Variants in PCDH9 observed in about 807,000 individuals in gnomAD.
PCDH9 encodes the protein protocadherin 9.
Under a neutral mutation model 70.6 loss-of-function variants are expected in PCDH9, and 24 were observed. That is an observed-to-expected ratio of 0.34 (90% confidence interval 0.25 to 0.48). The LOEUF is 0.48. Among genes scored for constraint, PCDH9 ranks in the 20% least tolerant of loss-of-function variants. PCDH9 has a pLI of 0.99. For missense variants in PCDH9, 1,281 were observed against 1,503.6 expected (o/e 0.85, Z 2.45); for synonymous variants, 562 against 558.5 (o/e 1.01, Z -0.09).
intron 4 of PCDH9, among the ~76,000 whole-genome samples, chr13:66,548,597 A>T (rs1961326912): frequency 6.6e-6 from 1 of 152,054 alleles, no homozygotes; most frequent in Non-Finnish European, 1.5e-5. Flanking sequence ...AAAACTAAAA[A>T]AAAATAAAAA....
At chr13:67,098,938 T>C (rs922759296) in intron 2 of PCDH9, among the ~76,000 whole-genome samples, 12 of 152,176 alleles carry the variant, frequency 7.9e-5, no homozygotes, top group Non-Finnish European at 4.4e-5. Context: ...GTGATATAGA[T>C]AATAAATTAC....
chr13:66,430,841 G>A (rs1481732034), intron 4 of PCDH9, among the ~76,000 whole-genome samples: 1 of 152,072 alleles, frequency 6.6e-6, no homozygotes, highest in African/African-American at 2.4e-5. Flanking sequence ...GGTCTGTAGT[G>A]TGGGTATAAA....
intron 2 of PCDH9, among the ~76,000 whole-genome samples, chr13:66,930,557 T>C (rs1240809863): frequency 6.6e-6 from 1 of 152,124 alleles, no homozygotes; most frequent in Admixed American, 6.5e-5. Flanking sequence ...TTTTACAAGA[T>C]TACTTCATCT....
chr13:66,733,805 T>G (rs2079108033), intron 3 of PCDH9, among the ~76,000 whole-genome samples: 1 of 152,172 alleles, frequency 6.6e-6, no homozygotes, highest in South Asian at 2.1e-4. Flanking sequence ...GATTTTGTAT[T>G]CATATTCTTA....
At chr13:67,182,512 T>C (rs2088644260) in intron 2 of PCDH9, among the ~76,000 whole-genome samples, 1 of 152,194 alleles carries the variant, frequency 6.6e-6, no homozygotes, top group Non-Finnish European at 1.5e-5. Flanking sequence ...AAGTCAGTTC[T>C]ACACATAGTA....
intron 2 of PCDH9, among the ~76,000 whole-genome samples, chr13:67,000,409 C>T (rs2084218307): frequency 6.6e-6 from 1 of 151,240 alleles, no homozygotes; most frequent in Non-Finnish European, 1.5e-5. Context: ...TGCAGCACAC[C>T]AGCATGGCAC....
In PCDH9 at chr13:66,828,570, T is replaced by C. The variant is rs897521457; in HGVS notation, c.3138+74934A>G. 3.9e-5 allele frequency among the ~76,000 whole-genome samples: 6 copies of C among 152,136 alleles called. No individual in the cohort carries two copies. The South Asian group carries it at 8.3e-4, about 21-fold the overall frequency. ...AAATCATCCTGGAAAAGCACTGTTTTTTAAAAGTCTATCAGACAGTACACA... is the reference window on the plus strand; with the variant it reads ...AAATCATCCTGGAAAAGCACTGTTTCTTAAAAGTCTATCAGACAGTACACA... On this transcript the variant is annotated intron_variant, in intron 3 of 4. Transcript: ENST00000377865.
intron 2 of PCDH9, among the ~76,000 whole-genome samples, chr13:67,141,704 G>T (rs1398208322): frequency 1.3e-5 from 2 of 151,390 alleles, no homozygotes; most frequent in African/African-American, 2.4e-5. Context: ...CTCCCAAAGT[G>T]CTGGGATTAC....
chr13:66,791,199 T>C (rs2080158111), intron 3 of PCDH9, among the ~76,000 whole-genome samples: 1 of 152,128 alleles, frequency 6.6e-6, no homozygotes, highest in Admixed American at 6.6e-5. Flanking sequence ...GAGAAATTAA[T>C]ACATTATAAA....
chr13:67,159,854 A>G (rs546452983), intron 2 of PCDH9, among the ~76,000 whole-genome samples: 1 of 152,332 alleles, frequency 6.6e-6, no homozygotes, highest in South Asian at 2.1e-4. Context: ...CAACTAAACT[A>G]TGTAGCCAAA....
intron 2 of PCDH9, among the ~76,000 whole-genome samples, chr13:67,183,343 A>C (rs1414118433): frequency 6.6e-6 from 1 of 152,166 alleles, no homozygotes; most frequent in Non-Finnish European, 1.5e-5. Context: ...TATTTTTGAA[A>C]AAGTCTGCTA....
At chr13:66,833,356 T>C (rs1192625477) in intron 3 of PCDH9, among the ~76,000 whole-genome samples, 1 of 152,202 alleles carries the variant, frequency 6.6e-6, no homozygotes, top group Non-Finnish European at 1.5e-5. Context: ...TATTTCTATA[T>C]GTGTAAATTC....
intron 4 of PCDH9, among the ~76,000 whole-genome samples, chr13:66,421,998 C>G (rs530490004): frequency 6.6e-6 from 1 of 152,222 alleles, no homozygotes; most frequent in South Asian, 2.1e-4. Context: ...ATAAAAAGAG[C>G]AGGGGTTGCA....
chr13:66,733,693 G>A (rs547136714), intron 3 of PCDH9, among the ~76,000 whole-genome samples: 16 of 125,440 alleles, frequency 1.3e-4, no homozygotes, highest in South Asian at 2.6e-4. Flanking sequence ...TTTTTTTTAC[G>A]ACATTAACAC....
At chr13:66,655,271 T>C (rs1276336086) in intron 3 of PCDH9, among the ~76,000 whole-genome samples, 3 of 152,024 alleles carry the variant, frequency 2.0e-5, no homozygotes, top group African/African-American at 4.8e-5. Context: ...TTTCTGATCA[T>C]GGGTAAAATA....
At chr13:67,138,663 T>A (rs1352039120) in intron 2 of PCDH9, among the ~76,000 whole-genome samples, 1 of 152,244 alleles carries the variant, frequency 6.6e-6, no homozygotes, top group African/African-American at 2.4e-5. Context: ...TGAGCTCCTA[T>A]GCTCAGGCCT....
intron 2 of PCDH9, among the ~76,000 whole-genome samples, chr13:67,073,773 T>C (rs990635197): frequency 2.0e-5 from 3 of 152,130 alleles, no homozygotes; most frequent in African/African-American, 7.2e-5. Flanking sequence ...TTTCATTTTG[T>C]ATGATACTTT....
At position 66,959,266 on chromosome 13, in the gene PCDH9, T is replaced by G. The variant is rs2083308404; in HGVS notation, c.3037-55661A>C. Among the ~76,000 whole-genome samples the G allele has an allele frequency of 1.3e-5, 2 of 152,154 alleles. 1 individual carries two copies. Among genetic ancestry groups the G allele is most frequent in the South Asian group, 4.1e-4 (2 of 4,832 alleles). ...AATCTTAAATGAATTTGATAGCAGG[T>G]ACAATAAGGAAAGTGTGACTTTAAA... On this transcript the variant is annotated intron_variant, in intron 2 of 4. Transcript: ENST00000377865.
intron 3 of PCDH9, among the ~76,000 whole-genome samples, chr13:66,749,171 A>G (rs952277312): frequency 6.6e-6 from 1 of 152,174 alleles, no homozygotes; most frequent in African/African-American, 2.4e-5. Context: ...ATAGCAGCAT[A>G]AGAACAGACT....
Sources: gnomAD v4.1 joint callset for allele counts (sites outside exome capture counted in the v4.1 genomes callset) on GRCh38, gnomAD v4.1.1 for gene constraint, MANE v1.5 for transcripts, NCBI Gene and HGNC (gene_info 2026-07-23, HGNC 2026-07-21) for gene names.